ATP11B: variants seen among roughly 807,000 people sequenced by gnomAD.
ATP11B encodes the protein ATPase phospholipid transporting 11B (putative), also known as phospholipid-transporting ATPase IF.
Under a neutral mutation model 157.8 loss-of-function variants are expected in ATP11B, and 81 were observed. The ratio of observed to expected loss-of-function variants is 0.51; its 90% CI spans 0.43 to 0.62. The LOEUF (loss-of-function observed/expected upper bound fraction) is 0.62, where lower values mean the gene tolerates loss of function less well. Among genes scored for constraint, ATP11B ranks in the 20% least tolerant of loss-of-function variants. The pLI is 0.00. For synonymous variants in ATP11B, 451 were observed against 469.4 expected, an observed-to-expected ratio of 0.96 and a Z score of 0.51; for missense variants, 1,165 against 1,402.2, an observed-to-expected ratio of 0.83 and a Z score of 2.70.
chr3:182,887,683 A>G lies in ATP11B; in HGVS notation c.2813A>G (p.His938Arg), dbSNP rs529849597. 1 of 1,611,718 alleles carries G rather than the reference A, an allele frequency of 6.2e-7. No homozygotes were observed. The highest frequency in any genetic ancestry group is 8.5e-7 in the Non-Finnish European group (1 of 1,179,402). ...CTTTTGGAACAGCATGTAGACCCTC[A>G]TGTGTTACAAAATAAGCCCACCCTT... ...YSLLEQHVDP[H>R]VLQNKPTLYR... is the part of the protein sequence containing the mutation. The change falls in exon 24 of 30, where the codon CAT (histidine) becomes CGT (arginine). Residue 938 changes from histidine (H) to arginine (R), a missense_variant. His to Arg is a conservative substitution (Grantham distance 29, BLOSUM62 0). Around this residue, in one of 4 missense-constraint regions of ATP11B, gnomAD observed 303 missense variants for 296.3 expected, o/e 1.02. Transcript: ENST00000323116.
chr3:182,827,604 C>T (rs567172040), intron 2 of ATP11B, among the ~76,000 whole-genome samples: 3 of 151,660 alleles, frequency 2.0e-5, no homozygotes, highest in South Asian at 2.1e-4. Flanking sequence ...TGGTGGTTAT[C>T]GCGGCGATCA....
chr3:182,840,351 G>C (rs1718910234), intron 7 of ATP11B, among the ~76,000 whole-genome samples: 1 of 152,054 alleles, frequency 6.6e-6, no homozygotes, highest in Non-Finnish European at 1.5e-5. Context: ...GACTTGCACT[G>C]TTCCTTCTCT....
At chr3:182,809,030 T>C (rs1273176527) in intron 1 of ATP11B, among the ~76,000 whole-genome samples, 1 of 151,986 alleles carries the variant, frequency 6.6e-6, no homozygotes, top group Non-Finnish European at 1.5e-5. Flanking sequence ...AATAAAAAGT[T>C]GGCAACCCTA....
In ATP11B at chr3:182,845,445, CT is replaced by C. The variant is rs761051610; in HGVS notation, c.705-6del. ...ATATTCAGTGCTTTATGGTTATTTT[CT>C]TTTTTTCCTAGACCTCTGGGGCCGG... On this transcript the variant is annotated splice_polypyrimidine_tract_variant and intron_variant, in intron 8 of 29. Coordinates refer to ENST00000323116, the MANE Select transcript of ATP11B (RefSeq NM_014616.3). 6.3e-7 allele frequency: 1 copy of C among 1,587,064 alleles called. No homozygotes were observed. Among genetic ancestry groups the C allele is most frequent in the Non-Finnish European group, 8.5e-7 (1 of 1,172,626 alleles).
At chr3:182,837,263 C>A in intron 7 of ATP11B, 89 bp downstream of exon 7, 1 of 955,878 alleles carries the variant, frequency 1.0e-6, no homozygotes, top group Non-Finnish European at 1.5e-6. Flanking sequence ...AAATCTTTAG[C>A]TAATTGGAGA....
Position 182,919,104 on chromosome 3 carries a change from G to C in ATP11B, c.*1000G>C, listed in dbSNP as rs1725310395. The C allele has an allele frequency of 1.3e-5, 2 of 152,198 alleles. No individual in the cohort carries two copies. Among genetic ancestry groups the C allele is most frequent in the African/African-American group, 4.8e-5 (2 of 41,422 alleles). The allele number at this position is 152,198 out of a possible 1,614,324, so 9.4% of individuals were successfully genotyped here. A position where few individuals can be genotyped will look rare whatever the true frequency, so the allele number is the denominator to read the frequency against. ...TAATTATACAAATCAGAATAGTATG[G>C]GTAATTAAATGAATACAAAAAGAAG... is the stretch of plus-strand genomic sequence containing the variant. On this transcript the variant is annotated 3_prime_UTR_variant, in exon 30 of 30. Transcript: ENST00000323116.
chr3:182,841,995 A>AAACAAAGG (rs1553802940), intron 7 of ATP11B, 80 bp from the exon 8 acceptor site: 4 of 926,550 alleles, frequency 4.3e-6, no homozygotes, highest in Non-Finnish European at 5.0e-6. Context: ...AAAAAAAAAA[A>AAACAAAGG]AACAAAGGAT....
intron 1 of ATP11B, among the ~76,000 whole-genome samples, chr3:182,818,558 T>C (rs1717110126): frequency 6.6e-6 from 1 of 152,238 alleles, no homozygotes; most frequent in Non-Finnish European, 1.5e-5. Context: ...TTATGATGCA[T>C]ACAAATGCAT....
At chr3:182,863,367 A>G (rs1437154356) in intron 12 of ATP11B, among the ~76,000 whole-genome samples, 1 of 149,694 alleles carries the variant, frequency 6.7e-6, no homozygotes, top group East Asian at 2.0e-4. Context: ...TTCTTTCTCA[A>G]CTCTCTTCCC....
In ATP11B at chr3:182,919,074, A is replaced by G. The variant is rs975384773; in HGVS notation, c.*970A>G. ...TGGACAGTATTTAAATATTGCAAAT[A>G]TGTTTAATTATACAAATCAGAATAG... On this transcript the variant is annotated 3_prime_UTR_variant, in exon 30 of 30. Coordinates refer to ENST00000323116, the MANE Select transcript of ATP11B (RefSeq NM_014616.3). 2.6e-5 allele frequency: 4 copies of G among 152,188 alleles called. No homozygotes were observed. Among genetic ancestry groups the G allele is most frequent in the Non-Finnish European group, 1.5e-5 (1 of 68,000 alleles). 9.4% of individuals were successfully genotyped at this position (152,188 alleles called of 1,614,324 possible).
intron 21 of ATP11B, among the ~76,000 whole-genome samples, chr3:182,881,942 T>C (rs1333348075): frequency 6.6e-6 from 1 of 152,228 alleles, no homozygotes; most frequent in Admixed American, 6.5e-5. Context: ...ATCCTTATTC[T>C]TTTCTATTTT....
chr3:182,839,196 C>G (rs1178498473), intron 7 of ATP11B, among the ~76,000 whole-genome samples: 1 of 152,178 alleles, frequency 6.6e-6, no homozygotes, highest in Admixed American at 6.5e-5. Flanking sequence ...AAACCAAATA[C>G]TGCATATCCT....
At chr3:182,897,718 T>A (rs1306952471) in intron 27 of ATP11B, among the ~76,000 whole-genome samples, 1 of 151,998 alleles carries the variant, frequency 6.6e-6, no homozygotes, top group East Asian at 1.9e-4. Flanking sequence ...ACCCCAATTG[T>A]CTTATTTCAC....
intron 28 of ATP11B, among the ~76,000 whole-genome samples, chr3:182,910,073 GAAAAA>G (rs34483660): frequency 3.2e-5 from 2 of 63,388 alleles, no homozygotes; most frequent in South Asian, 6.5e-4. Flanking sequence ...TCGGCCTCCA[GAAAAA>G]AAAAAAAAAA....
intron 28 of ATP11B, among the ~76,000 whole-genome samples, chr3:182,913,366 A>G (rs1300851327): frequency 1.3e-5 from 2 of 152,174 alleles, no homozygotes; most frequent in East Asian, 1.9e-4. Context: ...GTTACTGAAC[A>G]TTGGGGTGAG....
intron 14 of ATP11B, 47 bp from the exon 15 acceptor site, chr3:182,867,329 G>A (rs1290858227): frequency 6.7e-6 from 7 of 1,052,544 alleles, no homozygotes; most frequent in Non-Finnish European, 1.0e-5. Flanking sequence ...TGTGAAATAT[G>A]CAGTATTATT....
At chr3:182,855,067 A>T (rs922520959) in intron 10 of ATP11B, among the ~76,000 whole-genome samples, 1 of 152,214 alleles carries the variant, frequency 6.6e-6, no homozygotes, top group African/African-American at 2.4e-5. Context: ...TAGAAAATTT[A>T]TTCTGAAATT....
intron 1 of ATP11B, among the ~76,000 whole-genome samples, chr3:182,810,377 T>G (rs1716582281): frequency 6.6e-6 from 1 of 152,124 alleles, no homozygotes; most frequent in African/African-American, 2.4e-5. Flanking sequence ...TGTGATCCAG[T>G]GATGCTAAGT....
At chr3:182,867,549 C>A in intron 15 of ATP11B, 105 bp downstream of exon 15, 8 of 399,034 alleles carry the variant, frequency 2.0e-5, no homozygotes, top group South Asian at 4.3e-5. Context: ...CCTATATTTT[C>A]TGTTTTTCTA....
Sources: gnomAD v4.1 joint callset for allele counts (sites outside exome capture counted in the v4.1 genomes callset) on GRCh38, gnomAD v4.1.1 for gene constraint, gnomAD v4.1.1 regional missense constraint, MANE v1.5 for transcripts, NCBI Gene and HGNC (gene_info 2026-07-23, HGNC 2026-07-21) for gene names.